The following SNX13 variants were observed in gnomAD, a reference collection of about 807,000 sequenced individuals.
SNX13 encodes sorting nexin 13, also known as sorting nexin-13.
In SNX13, 45 loss-of-function variants were observed where a neutral mutation model predicts 133.6. The ratio of observed to expected loss-of-function variants is 0.34; its 90% CI spans 0.27 to 0.43. SNX13 has a LOEUF of 0.43. SNX13 is among the 20% of genes least tolerant of loss of function. SNX13 has a pLI of 1.00. For synonymous variants in SNX13, 414 were observed against 373.9 expected, an observed-to-expected ratio of 1.11 and a Z score of -1.24; for missense variants, 1,032 against 1,145.1, an observed-to-expected ratio of 0.90 and a Z score of 1.43.
intron 18 of SNX13, among the ~76,000 whole-genome samples, chr7:17,818,117 C>A (rs28685050): frequency 1.3e-5 from 2 of 152,080 alleles, no homozygotes; most frequent in African/African-American, 4.8e-5. Flanking sequence ...GGCAAGAACC[C>A]TACCATCTAC....
chr7:17,838,386 C>T (rs1413712658), intron 13 of SNX13, among the ~76,000 whole-genome samples: 1 of 151,826 alleles, frequency 6.6e-6, no homozygotes, highest in Non-Finnish European at 1.5e-5. Flanking sequence ...CATGGCCAGT[C>T]TAGCTAAAGG....
chr7:17,939,700 G>T (rs1681166893), intron 1 of SNX13, among the ~76,000 whole-genome samples: 1 of 152,200 alleles, frequency 6.6e-6, no homozygotes, highest in African/African-American at 2.4e-5. Flanking sequence ...TGATGACCAC[G>T]ATTTAACCGA....
intron 20 of SNX13, among the ~76,000 whole-genome samples, chr7:17,805,211 T>TTCTG (rs1554304145): frequency 2.5e-5 from 3 of 118,524 alleles, no homozygotes; most frequent in African/African-American, 6.7e-5. Flanking sequence ...TAATGATTCT[T>TTCTG]TGTGTGTGTG....
chr7:17,813,163 G>T (rs1257922682), intron 20 of SNX13, among the ~76,000 whole-genome samples: 2 of 152,014 alleles, frequency 1.3e-5, no homozygotes, highest in South Asian at 4.2e-4. Context: ...GGACATACAC[G>T]TGTGCTATTG....
In SNX13 at chr7:17,793,502, C is replaced by T. The variant is rs1343994601; in HGVS notation, c.*543G>A. The T allele has an allele frequency of 6.6e-6, 1 of 152,056 alleles. No homozygotes were observed. The highest frequency in any genetic ancestry group is 2.4e-5 in the African/African-American group (1 of 41,406). The allele number at this position is 152,056 out of a possible 1,614,324, so 9.4% of individuals were successfully genotyped here. A position where few individuals can be genotyped will look rare whatever the true frequency, so the allele number is the denominator to read the frequency against. On this transcript the variant is annotated 3_prime_UTR_variant, in exon 26 of 26. Transcript: ENST00000428135. ...AATTCAGGTATAAGGTTATTTCACA[C>T]TTTAAGGGCATTCTGTCTCTTTCTC...
chr7:17,895,383 G>A (rs572302190), intron 2 of SNX13, among the ~76,000 whole-genome samples: 4 of 152,002 alleles, frequency 2.6e-5, no homozygotes, highest in Non-Finnish European at 5.9e-5. Context: ...ATCCCCAAGT[G>A]TTTTTCTTTC....
chr7:17,845,687 T>C lies in SNX13; in HGVS notation c.1073A>G (p.Asn358Ser). 1 of 1,590,984 alleles carries C rather than the reference T, an allele frequency of 6.3e-7. No individual in the cohort carries two copies. The highest frequency in any genetic ancestry group is 2.3e-5 in the East Asian group (1 of 44,188). Residue 358 changes from asparagine (N) to serine (S), a missense_variant, in exon 12 of 26, where the codon AAT becomes AGT. Physicochemically the swap from Asn to Ser is conservative, Grantham distance 46. Coordinates refer to ENST00000428135, the MANE Select transcript of SNX13 (RefSeq NM_015132.5). ...AAAGTTTGCTGCAAGTTTCACAGTA[T>C]TTATTTCCTACAGGCAAAAGTGAAT... ...IQRLQSGKEI[N>S]TVKLAANFGK...
intron 1 of SNX13, chr7:17,899,649 C>T (rs1395914533): frequency 1.3e-5 from 2 of 151,914 alleles, no homozygotes; most frequent in African/African-American, 4.8e-5. Context: ...GTGCTTGATT[C>T]TATTTATTAT....
intron 1 of SNX13, among the ~76,000 whole-genome samples, chr7:17,924,308 A>T (rs1490516280): frequency 2.0e-5 from 3 of 152,222 alleles, no homozygotes; most frequent in Non-Finnish European, 4.4e-5. Flanking sequence ...ACCCAATTTA[A>T]AAATGGGCAC....
intron 1 of SNX13, among the ~76,000 whole-genome samples, chr7:17,924,157 C>A (rs1800452881): frequency 1.3e-5 from 2 of 152,062 alleles, no homozygotes; most frequent in African/African-American, 4.8e-5. Context: ...ATTAGAAAAT[C>A]CTGTGCTTAA....
At chr7:17,850,303 A>G (rs1791057318) in intron 11 of SNX13, 44 bp downstream of exon 11, 3 of 1,317,420 alleles carry the variant, frequency 2.3e-6, no homozygotes, top group Non-Finnish European at 3.2e-6. Context: ...TCCCTATAGT[A>G]TAGTATTTAT....
intron 7 of SNX13, 115 bp from the exon 8 acceptor site, chr7:17,873,731 GC>G: frequency 1.9e-6 from 1 of 520,374 alleles, no homozygotes; most frequent in Non-Finnish European, 3.2e-6. Flanking sequence ...GGTTACAATG[GC>G]TTATTTTAGT....
chr7:17,830,508 T>A (rs879606996), intron 15 of SNX13: 62 of 983,914 alleles, frequency 6.3e-5, no homozygotes, highest in Non-Finnish European at 7.2e-5. Context: ...TTTTAATAGG[T>A]CTATTAAGTC....
intron 12 of SNX13, among the ~76,000 whole-genome samples, chr7:17,842,362 A>C (rs1790001554): frequency 6.6e-6 from 1 of 152,030 alleles, no homozygotes; most frequent in Non-Finnish European, 1.5e-5. Flanking sequence ...TATCTGGCAA[A>C]ACTATACTTC....
intron 20 of SNX13, 122 bp downstream of exon 20, chr7:17,814,712 A>T: frequency 1.3e-6 from 1 of 747,278 alleles, no homozygotes; most frequent in Non-Finnish European, 2.0e-6. Context: ...ACATGCCGAG[A>T]ACTTAATAAA....
At chr7:17,830,235 G>C (rs551346602) in intron 15 of SNX13, 188 bp from the exon 16 acceptor site, 1 of 978,082 alleles carries the variant, frequency 1.0e-6, no homozygotes, top group African/African-American at 1.8e-5. Context: ...GGTTTTCTAA[G>C]ACAGGCATTT....
chr7:17,797,592 T>A (rs1583442093), intron 24 of SNX13, among the ~76,000 whole-genome samples: 1 of 151,816 alleles, frequency 6.6e-6, no homozygotes, highest in East Asian at 1.9e-4. Flanking sequence ...ACTTTACACA[T>A]TAGAAGCACC....
intron 1 of SNX13, among the ~76,000 whole-genome samples, chr7:17,897,685 C>A (rs17716858): frequency 0.068 from 10,333 of 151,904 alleles, 483 homozygotes; most frequent in South Asian, 0.15. Context: ...TTAAAAAATC[C>A]TAGTGGCAAT....
intron 1 of SNX13, among the ~76,000 whole-genome samples, chr7:17,909,766 G>A (rs1798770082): frequency 6.6e-6 from 1 of 152,284 alleles, no homozygotes; most frequent in East Asian, 1.9e-4. Flanking sequence ...AATGGTTGCT[G>A]GGCTTAATAC....
Sources: allele counts gnomAD v4.1 joint callset (sites outside exome capture counted in the v4.1 genomes callset), GRCh38; gene constraint gnomAD v4.1.1; transcripts MANE v1.5; gene names NCBI Gene and HGNC (gene_info 2026-07-23, HGNC 2026-07-21).